SASH1: variants seen among roughly 807,000 people sequenced by gnomAD.
SASH1 encodes SAM and SH3 domain containing 1, also known as SAM and SH3 domain-containing protein 1.
Under a neutral mutation model 125.2 loss-of-function variants are expected in SASH1, and 44 were observed. That is an observed-to-expected ratio of 0.35 (90% CI 0.28 to 0.45). SASH1 has a LOEUF of 0.45. Ranked by LOEUF, SASH1 falls within the 20% of genes least tolerant of loss-of-function variation. SASH1 has a pLI of 1.00. For missense variants in SASH1, 1,426 were observed against 1,614.5 expected (o/e 0.88, Z 2.00); for synonymous variants, 639 against 649.1 (o/e 0.98, Z 0.24).
At chr6:148,226,518 C>G in the SASH1 span, among the ~76,000 whole-genome samples, 1 of 152,152 alleles carries the variant, frequency 6.6e-6, no homozygotes, top group African/African-American at 2.4e-5. Context: ...ATAGAAAACT[C>G]AGCTCAAAGT....
chr6:148,487,908 C>A (rs1451215602), intron 8 of SASH1, among the ~76,000 whole-genome samples, 193 bp downstream of exon 8: 4 of 149,964 alleles, frequency 2.7e-5, no homozygotes, highest in Non-Finnish European at 1.5e-5. Context: ...TGTTATCATG[C>A]TGGGGTTTTG....
the SASH1 span, among the ~76,000 whole-genome samples, chr6:148,229,702 A>C: frequency 1.3e-5 from 2 of 151,322 alleles, no homozygotes; most frequent in African/African-American, 4.9e-5. Flanking sequence ...CCAACACCAT[A>C]ATATAACGTC....
At position 148,342,985 on chromosome 6, in the gene SASH1, C is replaced by T; in HGVS notation, c.-83C>T. 9.7e-7 allele frequency: 1 copy of T among 1,034,914 alleles called. No homozygotes were observed. Among genetic ancestry groups the T allele is most frequent in the East Asian group, 8.0e-5 (1 of 12,520 alleles). 64.1% of individuals were successfully genotyped at this position (1,034,914 alleles called of 1,614,324 possible). ...CTCGGTGACGCCGCGGGCGGGGACCCGGCATCCGGGCAGGCTGCGCGCGGG... is the reference window on the plus strand; with the variant it reads ...CTCGGTGACGCCGCGGGCGGGGACCTGGCATCCGGGCAGGCTGCGCGCGGG... On this transcript the variant is annotated 5_prime_UTR_variant, in exon 1 of 20. Transcript: ENST00000367467.
At chr6:148,512,104 C>T (rs926637152) in intron 8 of SASH1, among the ~76,000 whole-genome samples, 2 of 151,958 alleles carry the variant, frequency 1.3e-5, no homozygotes, top group African/African-American at 2.4e-5. Context: ...CTGCAAGCTC[C>T]GCCTCCTGGG....
chr6:148,344,697 C>T (rs369997752), intron 1 of SASH1, among the ~76,000 whole-genome samples: 74 of 151,788 alleles, frequency 4.9e-4, no homozygotes, highest in African/African-American at 1.7e-3. Context: ...TATGATCCTT[C>T]ACTGAAGTTC....
At chr6:148,281,929 A>G (rs1779352747) in intron 1 of SASH1, among the ~76,000 whole-genome samples, 1 of 152,138 alleles carries the variant, frequency 6.6e-6, no homozygotes, top group Non-Finnish European at 1.5e-5. Context: ...CTCAAAAAAA[A>G]AAAAGGAAAA....
the SASH1 span, among the ~76,000 whole-genome samples, chr6:148,247,796 A>G: frequency 5.3e-5 from 8 of 152,234 alleles, no homozygotes; most frequent in African/African-American, 1.7e-4. Flanking sequence ...ATGTTAAGTT[A>G]TGGAAATACT....
intron 1 of SASH1, among the ~76,000 whole-genome samples, chr6:148,375,119 T>G (rs1782841665): frequency 6.6e-6 from 1 of 151,804 alleles, no homozygotes; most frequent in African/African-American, 2.4e-5. Flanking sequence ...GCCTCCCAAA[T>G]AGCTAAAACT....
In SASH1 at chr6:148,532,181, G is replaced by T. The variant is rs1781559609; in HGVS notation, c.1564+520G>T. On this transcript the variant is annotated intron_variant, in intron 13 of 19. Transcript: ENST00000367467. This position sits in a 1 kb window ranked among gnomAD's most constrained non-coding sequence, Gnocchi z 4.7. Reference sequence around the variant, plus strand: ...CAACCTTCACCTCCCTGGCTCAAGGGATCCTCCTGCCTCAGCCTTCCGCAT... The same window carrying T: ...CAACCTTCACCTCCCTGGCTCAAGGTATCCTCCTGCCTCAGCCTTCCGCAT... 6.6e-6 allele frequency among the ~76,000 whole-genome samples: 1 copy of T among 152,008 alleles called. No individual in the cohort carries two copies. The highest frequency in any genetic ancestry group is 2.4e-5 in the African/African-American group (1 of 41,360).
chr6:148,276,177 A>G (rs1239351583), intron 1 of SASH1, among the ~76,000 whole-genome samples: 3 of 152,198 alleles, frequency 2.0e-5, no homozygotes, highest in Non-Finnish European at 2.9e-5. Flanking sequence ...CTTCATTTGT[A>G]AGATGAGAGT....
chr6:148,273,129 A>G (rs2128503040), intron 1 of SASH1, among the ~76,000 whole-genome samples: 1 of 152,016 alleles, frequency 6.6e-6, no homozygotes, highest in East Asian at 1.9e-4. Context: ...GCATGGTGGC[A>G]TGCAACTGTA....
chr6:148,397,701 C>T (rs1784015912), intron 2 of SASH1, among the ~76,000 whole-genome samples: 1 of 152,108 alleles, frequency 6.6e-6, no homozygotes. Context: ...ACTACTGTAC[C>T]CTTGCATAGA....
chr6:148,374,705 G>T lies in SASH1; in HGVS notation c.157-15429G>T, dbSNP rs950169807. Among the ~76,000 whole-genome samples the T allele has an allele frequency of 9.7e-5, 9 of 93,148 alleles. No individual in the cohort carries two copies. In the East Asian group the frequency reaches 2.2e-3, roughly 22 times the overall value. 61.1% of individuals were successfully genotyped at this position (93,148 alleles called of 152,430 possible). ...ATTTGAGGTTTACAGCATTTTTTTT[G>T]GGGGGGGGGGAGATGGAGTCTCACT... On this transcript the variant is annotated intron_variant, in intron 1 of 19. Coordinates refer to ENST00000367467, the MANE Select transcript of SASH1 (RefSeq NM_015278.5).
chr6:148,539,114 A>G (rs1782064527), intron 16 of SASH1, among the ~76,000 whole-genome samples: 1 of 150,148 alleles, frequency 6.7e-6, no homozygotes, highest in Non-Finnish European at 1.5e-5. Context: ...TTTCCCCTCC[A>G]GCTTTGTTGA....
At chr6:148,197,546 A>T in the SASH1 span, among the ~76,000 whole-genome samples, 1 of 152,186 alleles carries the variant, frequency 6.6e-6, no homozygotes, top group Admixed American at 6.5e-5. Flanking sequence ...TTTCTCTTGC[A>T]GGCCACCCTC....
At chr6:148,436,822 G>A (rs1776309587) in intron 2 of SASH1, among the ~76,000 whole-genome samples, 1 of 152,192 alleles carries the variant, frequency 6.6e-6, no homozygotes, top group Non-Finnish European at 1.5e-5. Context: ...ACATCATAAG[G>A]TGCTTGTTGG....
At chr6:148,431,374 T>A (rs1056086942) in intron 2 of SASH1, among the ~76,000 whole-genome samples, 5 of 152,100 alleles carry the variant, frequency 3.3e-5, no homozygotes, top group African/African-American at 1.2e-4. Flanking sequence ...AATTATTGTA[T>A]TTTTAGAAGA....
At chr6:148,402,422 G>C (rs1784205867) in intron 2 of SASH1, among the ~76,000 whole-genome samples, 1 of 150,738 alleles carries the variant, frequency 6.6e-6, no homozygotes, top group Admixed American at 6.6e-5. Flanking sequence ...TGATTCTCCT[G>C]CCTCAGCCTC....
chr6:148,289,257 T>C (rs1347664658), intron 1 of SASH1, among the ~76,000 whole-genome samples: 2 of 151,620 alleles, frequency 1.3e-5, no homozygotes, highest in African/African-American at 4.9e-5. Context: ...ATACTTTGAG[T>C]TGATGGAAGG....
Sources: allele counts gnomAD v4.1 joint callset (sites outside exome capture counted in the v4.1 genomes callset), GRCh38; gene constraint gnomAD v4.1.1; non-coding constraint Gnocchi (gnomAD v3.1); transcripts MANE v1.5; gene names NCBI Gene and HGNC (gene_info 2026-07-23, HGNC 2026-07-21).